Variants in DIAPH3 observed in about 807,000 individuals in gnomAD.
DIAPH3 encodes diaphanous related formin 3.
In DIAPH3, 117 loss-of-function variants were observed where a neutral mutation model predicts 144.3. The ratio of observed to expected loss-of-function variants is 0.81; its 90% CI spans 0.70 to 0.95. DIAPH3 has a LOEUF of 0.95. DIAPH3 is among the 40% of genes least tolerant of loss of function. The probability of loss-of-function intolerance (pLI) is 0.00; values close to 1 mark genes in which losing one functional copy is unlikely to be tolerated. For missense variants in DIAPH3, 1,421 were observed against 1,412.7 expected, an observed-to-expected ratio of 1.01 and a Z score of -0.09; for synonymous variants, 519 against 488.9, an observed-to-expected ratio of 1.06 and a Z score of -0.81.
intron 26 of DIAPH3, 60 bp downstream of exon 26, chr13:59,774,668 C>T: frequency 1.3e-6 from 2 of 1,481,674 alleles, no homozygotes; most frequent in Non-Finnish European, 1.9e-6. Context: ...ATGAGAAAAA[C>T]AGGATTCTTT....
intron 22 of DIAPH3, among the ~76,000 whole-genome samples, chr13:59,858,029 C>G (rs781448456): frequency 2.6e-5 from 4 of 152,142 alleles, no homozygotes; most frequent in Non-Finnish European, 5.9e-5. Flanking sequence ...ATGATTCTGA[C>G]ACCTTTTTGA....
chr13:59,762,598 A>C (rs1035011540), intron 27 of DIAPH3, among the ~76,000 whole-genome samples: 3 of 152,078 alleles, frequency 2.0e-5, no homozygotes, highest in Non-Finnish European at 4.4e-5. Context: ...TTTTTCTAAA[A>C]TTAATAATTG....
At chr13:59,768,455 C>CA (rs2037961901) in intron 27 of DIAPH3, among the ~76,000 whole-genome samples, 1 of 152,050 alleles carries the variant, frequency 6.6e-6, no homozygotes, top group Non-Finnish European at 1.5e-5. Context: ...AGACTTAAGG[C>CA]AGTTAGTGCT....
chr13:59,822,807 T>G (rs1279272869), intron 24 of DIAPH3, among the ~76,000 whole-genome samples: 2 of 152,262 alleles, frequency 1.3e-5, no homozygotes, highest in African/African-American at 4.8e-5. Context: ...TATCCTCTCC[T>G]TCTATCTCTC....
At chr13:60,051,974 C>A (rs1363952871) in intron 4 of DIAPH3, among the ~76,000 whole-genome samples, 1 of 152,166 alleles carries the variant, frequency 6.6e-6, no homozygotes, top group Non-Finnish European at 1.5e-5. Context: ...TGCTTATTAA[C>A]TGTGGTCATT....
intron 27 of DIAPH3, among the ~76,000 whole-genome samples, chr13:59,751,334 G>A (rs527772502): frequency 3.9e-4 from 59 of 152,318 alleles, no homozygotes; most frequent in African/African-American, 6.0e-4. Context: ...AACAAGAACT[G>A]ATTTCTTAAT....
intron 21 of DIAPH3, among the ~76,000 whole-genome samples, chr13:59,866,517 G>A (rs909892835): frequency 6.6e-6 from 1 of 151,990 alleles, no homozygotes; most frequent in Non-Finnish European, 1.5e-5. Flanking sequence ...TTCTAGCCTG[G>A]AAAGCATCTA....
intron 5 of DIAPH3, among the ~76,000 whole-genome samples, chr13:60,027,586 G>A (rs2054466700): frequency 6.6e-6 from 1 of 152,040 alleles, no homozygotes; most frequent in Non-Finnish European, 1.5e-5. Flanking sequence ...AGAAACAAGA[G>A]TTCTTGACCT....
chr13:59,978,888 C>T (rs1416876902), intron 14 of DIAPH3, among the ~76,000 whole-genome samples: 1 of 151,664 alleles, frequency 6.6e-6, no homozygotes, highest in Non-Finnish European at 1.5e-5. Flanking sequence ...TGCATCTGTA[C>T]AAGAAGGTTG....
intron 5 of DIAPH3, among the ~76,000 whole-genome samples, chr13:60,023,472 C>G (rs893211697): frequency 5.3e-5 from 8 of 150,584 alleles, no homozygotes; most frequent in Non-Finnish European, 7.4e-5. Flanking sequence ...CTTACCCTGT[C>G]TCCCAAACTG....
At chr13:59,880,997 A>G (rs1419245137) in intron 20 of DIAPH3, among the ~76,000 whole-genome samples, 1 of 146,520 alleles carries the variant, frequency 6.8e-6, no homozygotes, top group Non-Finnish European at 1.5e-5. Flanking sequence ...AAAAAAAAAA[A>G]GAAGAAGAAG....
intron 17 of DIAPH3, among the ~76,000 whole-genome samples, chr13:59,954,631 C>T (rs553498439): frequency 1.3e-5 from 2 of 152,092 alleles, no homozygotes; most frequent in African/African-American, 4.8e-5. Context: ...TAAAGAACTA[C>T]CTGAGACTGG....
chr13:59,881,207 A>C (rs2045018199), intron 20 of DIAPH3, among the ~76,000 whole-genome samples: 1 of 151,966 alleles, frequency 6.6e-6, no homozygotes, highest in African/African-American at 2.4e-5. Context: ...TTTATCCTTA[A>C]CCATTGCAAA....
At chr13:59,917,206 G>A (rs1181034510) in intron 18 of DIAPH3, among the ~76,000 whole-genome samples, 1 of 152,060 alleles carries the variant, frequency 6.6e-6, no homozygotes, top group Non-Finnish European at 1.5e-5. Context: ...CTGACCAACT[G>A]TGGATCAAAT....
At chr13:59,675,725 C>T (rs922791528) in intron 27 of DIAPH3, among the ~76,000 whole-genome samples, 1 of 152,156 alleles carries the variant, frequency 6.6e-6, no homozygotes, top group Non-Finnish European at 1.5e-5. Context: ...TAGAGAAGTC[C>T]ATGAACTGCC....
Position 60,085,426 on chromosome 13 carries a change from T to A in DIAPH3, c.495+8202A>T, listed in dbSNP as rs548516787. Among the ~76,000 whole-genome samples, 4 of 152,256 alleles carry A rather than the reference T, an allele frequency of 2.6e-5. No homozygotes were observed. The East Asian group carries it at 7.7e-4, about 29-fold the overall frequency. ...ACTAAGAGACATCTGGTGATAAGGCTCATCTTCTGCAGCCCAGTAATTCTC... is the reference window on the plus strand; with the variant it reads ...ACTAAGAGACATCTGGTGATAAGGCACATCTTCTGCAGCCCAGTAATTCTC... On this transcript the variant is annotated intron_variant, in intron 4 of 27. Transcript: ENST00000400324.
intron 22 of DIAPH3, among the ~76,000 whole-genome samples, chr13:59,858,110 A>C (rs1292734481): frequency 6.6e-6 from 1 of 152,192 alleles, no homozygotes; most frequent in Non-Finnish European, 1.5e-5. Context: ...TGGGATATAA[A>C]TTTGTAAGTC....
intron 1 of DIAPH3, among the ~76,000 whole-genome samples, chr13:60,162,178 T>C (rs1056214809): frequency 1.3e-5 from 2 of 152,160 alleles, no homozygotes; most frequent in Admixed American, 6.5e-5. Context: ...GTGACATACA[T>C]AAGAATGAAA....
In DIAPH3 at chr13:60,156,937, ATATTTT is replaced by A. The variant is rs1205689571; in HGVS notation, c.180+6644_180+6649del. 1.8e-3 allele frequency among the ~76,000 whole-genome samples: 98 copies of A among 53,714 alleles called. 4 individuals are homozygous for A. The highest frequency in any genetic ancestry group is 8.5e-3 in the Middle Eastern group (1 of 118). 35.2% of individuals were successfully genotyped at this position (53,714 alleles called of 152,430 possible). A position where few individuals can be genotyped will look rare whatever the true frequency, so the allele number is the denominator to read the frequency against. ...ATCCTTCATATATATATATATATAT[ATATTTT>A]TTTTTTTTTTTTTTTTGAGACAGAG... On this transcript the variant is annotated intron_variant, in intron 1 of 27. Coordinates refer to ENST00000400324, the MANE Select transcript of DIAPH3 (RefSeq NM_001042517.2).
Sources: gnomAD v4.1 joint callset for allele counts (sites outside exome capture counted in the v4.1 genomes callset) on GRCh38, gnomAD v4.1.1 for gene constraint, MANE v1.5 for transcripts, NCBI Gene and HGNC (gene_info 2026-07-23, HGNC 2026-07-21) for gene names.